KCMF1: variants seen among roughly 807,000 people sequenced by gnomAD.
KCMF1 encodes E3 ubiquitin-protein ligase KCMF1.
Under a neutral mutation model 41.1 loss-of-function variants are expected in KCMF1, and 3 were observed. That is an observed-to-expected ratio of 0.07 (90% CI 0.03 to 0.19). The LOEUF (loss-of-function observed/expected upper bound fraction) is 0.19, where lower values mean the gene tolerates loss of function less well. Ranked by LOEUF, KCMF1 falls within the 10% of genes least tolerant of loss-of-function variation. The probability of loss-of-function intolerance (pLI) is 1.00; values close to 1 mark genes in which losing one functional copy is unlikely to be tolerated. For missense variants in KCMF1, 286 were observed against 488.9 expected, an observed-to-expected ratio of 0.58 and a Z score of 3.91; for synonymous variants, 142 against 164.5, an observed-to-expected ratio of 0.86 and a Z score of 1.04.
intron 6 of KCMF1, among the ~76,000 whole-genome samples, chr2:85,050,562 A>G (rs111897463): frequency 1.7e-4 from 26 of 152,344 alleles, no homozygotes; most frequent in African/African-American, 5.8e-4. Flanking sequence ...CAGGCATTTT[A>G]TGTGACTTTT....
At chr2:85,016,594 C>G (rs890791337) in intron 1 of KCMF1, among the ~76,000 whole-genome samples, 2 of 152,084 alleles carry the variant, frequency 1.3e-5, no homozygotes, top group Non-Finnish European at 2.9e-5. Flanking sequence ...TTTCCTTTCT[C>G]CAGCAGTTTC....
At chr2:84,992,805 A>G (rs1216545489) in intron 1 of KCMF1, among the ~76,000 whole-genome samples, 1 of 151,668 alleles carries the variant, frequency 6.6e-6, no homozygotes, top group Non-Finnish European at 1.5e-5. Flanking sequence ...GATTTTTTGT[A>G]GAGACGGGGT....
At chr2:84,974,677 ATATATATATATATATTTTTTTTTTTT>A (rs1160514634) in intron 1 of KCMF1, among the ~76,000 whole-genome samples, 4 of 36,626 alleles carry the variant, frequency 1.1e-4, no homozygotes, top group African/African-American at 4.5e-4. Context: ...ATATATATAT[ATATATATATATATATTTTTTTTTTTT>A]TTTTTTTTTT....
chr2:84,979,796 A>G (rs900279556), intron 1 of KCMF1, among the ~76,000 whole-genome samples: 4 of 152,100 alleles, frequency 2.6e-5, no homozygotes, highest in Non-Finnish European at 5.9e-5. Context: ...CGTAAGCAGT[A>G]TACAGATCAG....
chr2:85,019,168 TC>T (rs1285862377), intron 1 of KCMF1, among the ~76,000 whole-genome samples: 1 of 152,240 alleles, frequency 6.6e-6, no homozygotes, highest in Non-Finnish European at 1.5e-5. Context: ...TTCTCTGACT[TC>T]CTGATACCAG....
rs1330197759 is a variant in KCMF1 at position 85,055,763 on chromosome 2, A to G, written c.*2354A>G. On this transcript the variant is annotated 3_prime_UTR_variant, in exon 7 of 7. Transcript: ENST00000409785. ...AATCTTATTACTGGATGTACTATTG[A>G]ATAAAAATTAATTGCAAAGACTTTG... 1.3e-5 allele frequency: 2 copies of G among 152,188 alleles called. No individual in the cohort carries two copies. The highest frequency in any genetic ancestry group is 1.3e-4 in the Admixed American group (2 of 15,276). The allele number at this position is 152,188 out of a possible 1,614,324, so 9.4% of individuals were successfully genotyped here.
At chr2:85,010,676 T>G (rs919087600) in intron 1 of KCMF1, among the ~76,000 whole-genome samples, 7 of 152,186 alleles carry the variant, frequency 4.6e-5, no homozygotes, top group African/African-American at 1.7e-4. Flanking sequence ...GCTACCATAT[T>G]GGACAGCATA....
intron 2 of KCMF1, among the ~76,000 whole-genome samples, chr2:85,028,941 T>C (rs1197314790): frequency 1.3e-5 from 2 of 152,198 alleles, no homozygotes; most frequent in Non-Finnish European, 2.9e-5. Flanking sequence ...GTTCGTGCTA[T>C]TAACACACAA....
intron 1 of KCMF1, among the ~76,000 whole-genome samples, chr2:84,980,770 A>C (rs551262695): frequency 1.4e-4 from 21 of 152,186 alleles, no homozygotes; most frequent in Admixed American, 1.3e-3. Context: ...CCTCCCAAGT[A>C]GCTGGGAGTA....
intron 1 of KCMF1, among the ~76,000 whole-genome samples, chr2:85,011,078 G>A (rs946836534): frequency 6.6e-6 from 1 of 152,056 alleles, no homozygotes; most frequent in Non-Finnish European, 1.5e-5. Flanking sequence ...TCTTGACCTT[G>A]TGATGTGCCT....
intron 1 of KCMF1, among the ~76,000 whole-genome samples, chr2:85,011,310 C>T (rs1174634160): frequency 6.6e-6 from 1 of 152,062 alleles, no homozygotes; most frequent in Non-Finnish European, 1.5e-5. Flanking sequence ...CATGTATTTG[C>T]CCTGCCCAAC....
At chr2:85,050,288 G>A (rs999228936) in intron 6 of KCMF1, among the ~76,000 whole-genome samples, 7 of 151,932 alleles carry the variant, frequency 4.6e-5, no homozygotes, top group East Asian at 1.9e-4. Context: ...CATAATTAAC[G>A]TTGCTTGTTA....
In KCMF1 at chr2:85,055,413, C is replaced by A. The variant is rs967029068; in HGVS notation, c.*2004C>A. The A allele has an allele frequency of 2.6e-5, 4 of 152,050 alleles. No individual in the cohort carries two copies. The highest frequency in any genetic ancestry group is 9.7e-5 in the African/African-American group (4 of 41,408). The allele number at this position is 152,050 out of a possible 1,614,324, so 9.4% of individuals were successfully genotyped here. On this transcript the variant is annotated 3_prime_UTR_variant, in exon 7 of 7. Coordinates refer to ENST00000409785, the MANE Select transcript of KCMF1 (RefSeq NM_020122.5). Reference sequence around the variant, plus strand: ...AATAAATGCCAATTATATGTACTTTCCCTTTTCTGCACAAATTCTGGGAAA... The same window carrying A: ...AATAAATGCCAATTATATGTACTTTACCTTTTCTGCACAAATTCTGGGAAA...
At chr2:84,981,695 C>G (rs1031396961) in intron 1 of KCMF1, among the ~76,000 whole-genome samples, 8 of 152,120 alleles carry the variant, frequency 5.3e-5, no homozygotes, top group Non-Finnish European at 1.2e-4. Flanking sequence ...TCCTTTGAGA[C>G]TCTGTCATCC....
At chr2:85,009,081 C>T (rs1674591027) in intron 1 of KCMF1, among the ~76,000 whole-genome samples, 1 of 152,086 alleles carries the variant, frequency 6.6e-6, no homozygotes, top group Admixed American at 6.6e-5. Flanking sequence ...GTATCCCCAC[C>T]CAAATCCCAT....
At chr2:85,026,459 T>A (rs1021584927) in intron 1 of KCMF1, among the ~76,000 whole-genome samples, 1 of 139,356 alleles carries the variant, frequency 7.2e-6, no homozygotes, top group Non-Finnish European at 1.5e-5. Context: ...CTTTCTTTCC[T>A]TTATTATTAT....
intron 1 of KCMF1, among the ~76,000 whole-genome samples, chr2:84,972,630 G>T (rs1401092089): frequency 6.6e-6 from 1 of 152,174 alleles, no homozygotes; most frequent in African/African-American, 2.4e-5. Context: ...TAGTGAGTCA[G>T]TTTAGTGTGT....
At chr2:85,019,740 ATATATG>A (rs1674882155) in intron 1 of KCMF1, among the ~76,000 whole-genome samples, 2 of 151,742 alleles carry the variant, frequency 1.3e-5, no homozygotes, top group Admixed American at 1.3e-4. Context: ...GTGTGTGTAT[ATATATG>A]TATATATGTG....
intron 1 of KCMF1, among the ~76,000 whole-genome samples, chr2:84,982,527 G>A (rs566505072): frequency 3.4e-5 from 5 of 147,270 alleles, no homozygotes; most frequent in African/African-American, 7.5e-5. Flanking sequence ...TCAGCCTCCC[G>A]AGTAGCTGGG....
Sources: gnomAD v4.1 joint callset for allele counts (sites outside exome capture counted in the v4.1 genomes callset) on GRCh38, gnomAD v4.1.1 for gene constraint, MANE v1.5 for transcripts, NCBI Gene and HGNC (gene_info 2026-07-23, HGNC 2026-07-21) for gene names.